ADAMTS2: variants seen among roughly 807,000 people sequenced by gnomAD.
ADAMTS2 encodes the protein A disintegrin and metalloproteinase with thrombospondin motifs 2.
A neutral mutation model predicts 123.0 loss-of-function variants in ADAMTS2; 50 were observed. The observed-to-expected ratio is 0.41, with a 90% CI of 0.32 to 0.51. The LOEUF (loss-of-function observed/expected upper bound fraction) is 0.51, where lower values mean the gene tolerates loss of function less well. ADAMTS2 is among the 20% of genes least tolerant of loss of function. The pLI, the probability that ADAMTS2 is intolerant of heterozygous loss-of-function variation, is 0.35. For synonymous variants in ADAMTS2, 678 were observed against 695.4 expected, an observed-to-expected ratio of 0.98 and a Z score of 0.39; for missense variants, 1,494 against 1,705.2, an observed-to-expected ratio of 0.88 and a Z score of 2.18.
At chr5:179,283,933 A>C (rs572664122) in intron 2 of ADAMTS2, among the ~76,000 whole-genome samples, 8 of 142,390 alleles carry the variant, frequency 5.6e-5, no homozygotes, top group South Asian at 2.3e-4. Flanking sequence ...ACAAAACAAT[A>C]AATGGTCAGA....
At chr5:179,193,319 G>A (rs769118663) in intron 4 of ADAMTS2, among the ~76,000 whole-genome samples, 2 of 152,162 alleles carry the variant, frequency 1.3e-5, no homozygotes, top group Non-Finnish European at 2.9e-5. Context: ...CGCCTACGCC[G>A]AGTACTTCCC....
At chr5:179,126,277 C>G (rs139553138) in intron 17 of ADAMTS2, 147 bp from the exon 18 acceptor site, 1 of 1,204,952 alleles carries the variant, frequency 8.3e-7, no homozygotes, top group South Asian at 1.3e-5. Context: ...ACCGAGCCTG[C>G]GGCTGGCTGG....
At chr5:179,219,202 A>C (rs1765070355) in intron 3 of ADAMTS2, among the ~76,000 whole-genome samples, 1 of 151,958 alleles carries the variant, frequency 6.6e-6, no homozygotes. Context: ...ACTGCTAAGT[A>C]CCTCCTTCCC....
intron 3 of ADAMTS2, among the ~76,000 whole-genome samples, chr5:179,221,082 T>C (rs1765113757): frequency 6.6e-6 from 1 of 152,138 alleles, no homozygotes; most frequent in Non-Finnish European, 1.5e-5. Context: ...TAGCTGATTG[T>C]GGGACCTGGG....
rs1222935531 is a variant in ADAMTS2, at chr5:179,180,554, A to G, written c.975+518T>C. 3.3e-5 allele frequency among the ~76,000 whole-genome samples: 5 copies of G among 151,980 alleles called. No individual in the cohort carries two copies. The highest frequency in any genetic ancestry group is 7.4e-5 in the Non-Finnish European group (5 of 67,978). Reference sequence around the variant, plus strand: ...ACATTTTTCAGATACAAACCAACCAATCCAGCGCCCATGTCCCCAGCCACC... The same window carrying G: ...ACATTTTTCAGATACAAACCAACCAGTCCAGCGCCCATGTCCCCAGCCACC... On this transcript the variant is annotated intron_variant, in intron 5 of 21. Transcript: ENST00000251582. This position sits in a 1 kb window ranked among gnomAD's most constrained non-coding sequence, Gnocchi z 4.6.
At chr5:179,230,867 C>G (rs771551415) in intron 3 of ADAMTS2, among the ~76,000 whole-genome samples, 11 of 152,080 alleles carry the variant, frequency 7.2e-5, no homozygotes, top group Non-Finnish European at 8.8e-5. Context: ...AAAAATTAGC[C>G]GGGCATGGTG....
At chr5:179,280,768 T>A (rs745482641) in intron 2 of ADAMTS2, among the ~76,000 whole-genome samples, 12 of 152,208 alleles carry the variant, frequency 7.9e-5, no homozygotes. Flanking sequence ...TAAAGATCTG[T>A]CAGCACCAAA....
intron 3 of ADAMTS2, among the ~76,000 whole-genome samples, chr5:179,266,734 C>T (rs1766381659): frequency 6.6e-6 from 1 of 152,220 alleles, no homozygotes; most frequent in Non-Finnish European, 1.5e-5. Context: ...TGGCACCCCC[C>T]AACAAAGCAC....
intron 2 of ADAMTS2, among the ~76,000 whole-genome samples, chr5:179,279,139 G>C (rs866382434): frequency 1.3e-5 from 2 of 151,928 alleles, no homozygotes. Context: ...TGTATGACTG[G>C]GACCTGGTCT....
At position 179,260,513 on chromosome 5, in the gene ADAMTS2, T is replaced by TG. The variant is rs892731908; in HGVS notation, c.688+12397dup. Reference sequence around the variant, plus strand: ...GAAGGCCCTCTGTCCAACAAACAGATGGGGTCACAGGCTACCGGGTTTTGC... The same window carrying TG: ...GAAGGCCCTCTGTCCAACAAACAGATGGGGGTCACAGGCTACCGGGTTTTGC... On this transcript the variant is annotated intron_variant, in intron 3 of 21. Coordinates refer to ENST00000251582, the MANE Select transcript of ADAMTS2 (RefSeq NM_014244.5). This position sits in a 1 kb window ranked among gnomAD's most constrained non-coding sequence, Gnocchi z 4.2. 6.6e-6 allele frequency among the ~76,000 whole-genome samples: 1 copy of TG among 152,228 alleles called. No homozygotes were observed. The highest frequency in any genetic ancestry group is 2.4e-5 in the African/African-American group (1 of 41,536).
Position 179,306,020 on chromosome 5 carries a change from C to T in ADAMTS2, c.535-32956G>A, listed in dbSNP as rs557077234. ...CAAAAAAGAAATTTCCAGGTCTAGA[C>T]GGTTTTACTGGAAAATTCTACTAAC... On this transcript the variant is annotated intron_variant, in intron 2 of 21. Coordinates refer to ENST00000251582, the MANE Select transcript of ADAMTS2 (RefSeq NM_014244.5). Among the ~76,000 whole-genome samples, 52 of 152,142 alleles carry T rather than the reference C, an allele frequency of 3.4e-4. No homozygotes were observed. The East Asian group carries it at 7.7e-3, about 23-fold the overall frequency.
At chr5:179,144,442 CA>C (rs1404156277) in intron 10 of ADAMTS2, among the ~76,000 whole-genome samples, 1 of 152,166 alleles carries the variant, frequency 6.6e-6, no homozygotes, top group Admixed American at 6.5e-5. Context: ...TGGAAAGTCA[CA>C]GGATGTAGAA....
At chr5:179,279,068 T>C (rs576642918) in intron 2 of ADAMTS2, among the ~76,000 whole-genome samples, 2 of 152,172 alleles carry the variant, frequency 1.3e-5, no homozygotes, top group South Asian at 4.2e-4. Flanking sequence ...CCAGGCTGGC[T>C]GGTTCCCACT....
At position 179,345,408 on chromosome 5, in the gene ADAMTS2, G is replaced by T; in HGVS notation, c.-80C>A. On this transcript the variant is annotated 5_prime_UTR_variant, in exon 1 of 22. Coordinates refer to ENST00000251582, the MANE Select transcript of ADAMTS2 (RefSeq NM_014244.5). The surrounding 1 kb of genome is among the most constrained non-coding windows in gnomAD (Gnocchi z 7.5). ...GCGAGCCGCCCAGCCCACATCTGGG[G>T]GCAGCTGGAGCCGCCCGCAGCTGCA... 1 of 1,069,910 alleles carries T rather than the reference G, an allele frequency of 9.3e-7. No homozygotes were observed. The highest frequency in any genetic ancestry group is 1.1e-6 in the Non-Finnish European group (1 of 883,070). 66.3% of individuals were successfully genotyped at this position (1,069,910 alleles called of 1,614,324 possible).
At chr5:179,259,120 C>T (rs750575461) in intron 3 of ADAMTS2, among the ~76,000 whole-genome samples, 1 of 152,136 alleles carries the variant, frequency 6.6e-6, no homozygotes, top group Admixed American at 6.5e-5. Context: ...CAGAAGCCAT[C>T]GTGATCTGAC....
In ADAMTS2 at chr5:179,128,083, C is replaced by A. The variant is rs1210832473; in HGVS notation, c.2493G>T (p.Thr831=). Residue 831 remains threonine, a synonymous_variant, in exon 17 of 22, where the codon ACG becomes ACT. Transcript: ENST00000251582. This position sits in a 1 kb window ranked among gnomAD's most constrained non-coding sequence, Gnocchi z 4.9. ...AGTCCTCATGGATCATGTATTTGTA[C>A]GTCAGTGAGACCCGGGTGTCTCCCA... ...IPVGDTRVSL[T]YKYMIHEDSL... is the part of the protein sequence containing the mutation. The A allele has an allele frequency of 6.2e-7, 1 of 1,613,930 alleles. No homozygotes were observed. Among genetic ancestry groups the A allele is most frequent in the Admixed American group, 1.7e-5 (1 of 60,022 alleles).
At chr5:179,251,308 C>T (rs6894964) in intron 3 of ADAMTS2, among the ~76,000 whole-genome samples, 4 of 152,244 alleles carry the variant, frequency 2.6e-5, no homozygotes, top group South Asian at 2.1e-4. Context: ...TCCAAAAAGT[C>T]TCAGGAATCG....
At chr5:179,193,699 C>A (rs976385927) in intron 4 of ADAMTS2, among the ~76,000 whole-genome samples, 25 of 152,222 alleles carry the variant, frequency 1.6e-4, no homozygotes, top group Admixed American at 1.2e-3. Context: ...ATTTACTGAG[C>A]ACCTACTACG....
At position 179,153,378 on chromosome 5, in the gene ADAMTS2, G is replaced by A. The variant is rs554594299; in HGVS notation, c.1515+113C>T. 696 of 1,519,240 alleles carry A rather than the reference G, an allele frequency of 4.6e-4. 3 individuals are homozygous for A. In the African/African-American group the frequency reaches 7.7e-3, roughly 17 times the overall value. 94.1% of individuals were successfully genotyped at this position (1,519,240 alleles called of 1,614,324 possible). A position where few individuals can be genotyped will look rare whatever the true frequency, so the allele number is the denominator to read the frequency against. On this transcript the variant is annotated intron_variant, in intron 9 of 21. Transcript: ENST00000251582. Reference sequence around the variant, plus strand: ...GGACAGGCTGCCACTCTGGAGGGCCGCTCTGCCCTCCCCACACTGGGCCGG... The same window carrying A: ...GGACAGGCTGCCACTCTGGAGGGCCACTCTGCCCTCCCCACACTGGGCCGG...
Sources: gnomAD v4.1 joint callset for allele counts (sites outside exome capture counted in the v4.1 genomes callset) on GRCh38, gnomAD v4.1.1 for gene constraint, Gnocchi (gnomAD v3.1) non-coding constraint, MANE v1.5 for transcripts, NCBI Gene and HGNC (gene_info 2026-07-23, HGNC 2026-07-21) for gene names.